AUH: variants seen among roughly 807,000 people sequenced by gnomAD.
AUH encodes the protein methylglutaconyl-CoA hydratase, mitochondrial.
A neutral mutation model predicts 42.3 loss-of-function variants in AUH; 29 were observed. The ratio of observed to expected loss-of-function variants is 0.69; its 90% confidence interval spans 0.51 to 0.93. AUH has a LOEUF of 0.93. Among genes scored for constraint, AUH ranks in the 40% least tolerant of loss-of-function variants. The probability of loss-of-function intolerance (pLI) is 0.00; values close to 1 mark genes in which losing one functional copy is unlikely to be tolerated. For synonymous variants in AUH, 174 were observed against 166.4 expected, an observed-to-expected ratio of 1.05 and a Z score of -0.35; for missense variants, 452 against 438.1, an observed-to-expected ratio of 1.03 and a Z score of -0.28.
chr9:91,214,817 G>C (rs1826728754), intron 9 of AUH, among the ~76,000 whole-genome samples: 1 of 152,134 alleles, frequency 6.6e-6, no homozygotes, highest in Admixed American at 6.5e-5. Flanking sequence ...TTATTTAGAA[G>C]GATGTTGTTT....
chr9:91,276,720 A>G (rs186064636), intron 6 of AUH, among the ~76,000 whole-genome samples: 1 of 152,352 alleles, frequency 6.6e-6, no homozygotes, highest in Non-Finnish European at 1.5e-5. Flanking sequence ...CACTGAACTT[A>G]CAACATAGCA....
intron 6 of AUH, among the ~76,000 whole-genome samples, chr9:91,286,408 T>C (rs1051108753): frequency 2.0e-5 from 3 of 152,166 alleles, no homozygotes; most frequent in Non-Finnish European, 4.4e-5. Flanking sequence ...GCTCTAATTT[T>C]CCTTCTTCCT....
chr9:91,348,351 T>C (rs1831695177), intron 3 of AUH, among the ~76,000 whole-genome samples: 1 of 152,214 alleles, frequency 6.6e-6, no homozygotes. Context: ...GGCAGTTTCT[T>C]ACAAAACTAA....
chr9:91,215,160 T>C (rs1826748755), intron 9 of AUH, among the ~76,000 whole-genome samples: 1 of 152,208 alleles, frequency 6.6e-6, no homozygotes, highest in Non-Finnish European at 1.5e-5. Flanking sequence ...CAAAACTTTT[T>C]TGCTATTTCA....
chr9:91,269,836 C>T (rs1478270039), intron 6 of AUH, among the ~76,000 whole-genome samples: 2 of 152,142 alleles, frequency 1.3e-5, no homozygotes, highest in African/African-American at 4.8e-5. Flanking sequence ...ATTTTAAATA[C>T]TATTCCACAA....
intron 6 of AUH, among the ~76,000 whole-genome samples, chr9:91,283,390 G>C (rs1008868188): frequency 2.6e-5 from 4 of 152,082 alleles, no homozygotes; most frequent in African/African-American, 9.7e-5. Flanking sequence ...CATTCCCTTT[G>C]AAAACTGGCA....
rs528512786 is a variant in AUH at position 91,322,649 on chromosome 9, T to C, written c.505+2669A>G. 1.2e-4 allele frequency among the ~76,000 whole-genome samples: 19 copies of C among 152,326 alleles called. No individual in the cohort carries two copies. In the South Asian group the frequency reaches 1.7e-3, roughly 13 times the overall value. On this transcript the variant is annotated intron_variant, in intron 4 of 9. Transcript: ENST00000375731. ...CAAGTAAAATGATTTGTTCTGTATA[T>C]AGCATAGAAAAACATGGAAAGCTTT...
rs1826691512 is a variant in AUH at position 91,214,168 on chromosome 9, A to C, written c.*180T>G. 1.6e-6 allele frequency: 1 copy of C among 620,994 alleles called. No individual in the cohort carries two copies. The allele number at this position is 620,994 out of a possible 1,614,324, so 38.5% of individuals were successfully genotyped here. ...CTTTATAAATCTGAATGAATATGACATTTACACATTTGAATGAAGTACACG... is the reference window on the plus strand; with the variant it reads ...CTTTATAAATCTGAATGAATATGACCTTTACACATTTGAATGAAGTACACG... On this transcript the variant is annotated 3_prime_UTR_variant, in exon 10 of 10. Transcript: ENST00000375731.
chr9:91,217,262 C>A lies in AUH; in HGVS notation c.894+15G>T. Reference sequence around the variant, plus strand: ...TCTCCATTCCCAAAACAAACTCAAGCATTAAGGAACCTACCTCCATCCCTT... The same window carrying A: ...TCTCCATTCCCAAAACAAACTCAAGAATTAAGGAACCTACCTCCATCCCTT... On this transcript the variant is annotated intron_variant, in intron 8 of 9. Coordinates refer to ENST00000375731, the MANE Select transcript of AUH (RefSeq NM_001698.3). 1 of 1,611,626 alleles carries A rather than the reference C, an allele frequency of 6.2e-7. No individual in the cohort carries two copies. Among genetic ancestry groups the A allele is most frequent in the Non-Finnish European group, 8.5e-7 (1 of 1,177,870 alleles).
intron 3 of AUH, among the ~76,000 whole-genome samples, chr9:91,332,206 C>A (rs1830376678): frequency 6.6e-6 from 1 of 152,164 alleles, no homozygotes; most frequent in South Asian, 2.1e-4. Flanking sequence ...TTAAAACATA[C>A]CGCATTTAAA....
intron 6 of AUH, among the ~76,000 whole-genome samples, chr9:91,234,740 CAGA>C (rs1564018044): frequency 6.6e-6 from 1 of 150,728 alleles, no homozygotes; most frequent in East Asian, 1.9e-4. Flanking sequence ...TACCATTCTG[CAGA>C]AGGAGAGCAA....
chr9:91,346,742 C>G (rs1440798884), intron 3 of AUH, among the ~76,000 whole-genome samples: 2 of 152,068 alleles, frequency 1.3e-5, no homozygotes, highest in East Asian at 3.9e-4. Context: ...GCTGCCCTCA[C>G]TTCAGATGCA....
chr9:91,223,656 T>C (rs1463286996), intron 6 of AUH, among the ~76,000 whole-genome samples: 2 of 152,202 alleles, frequency 1.3e-5, no homozygotes, highest in Non-Finnish European at 2.9e-5. Flanking sequence ...ATGTTTTCCA[T>C]AGTCACCAAA....
chr9:91,258,979 A>G (rs1829557689), intron 6 of AUH, among the ~76,000 whole-genome samples: 1 of 152,168 alleles, frequency 6.6e-6, no homozygotes, highest in Non-Finnish European at 1.5e-5. Context: ...GCTTGTCTGT[A>G]TATATCTTTC....
chr9:91,298,996 ATCACCTGAGG>A (rs1430220896), intron 4 of AUH, among the ~76,000 whole-genome samples: 1 of 152,148 alleles, frequency 6.6e-6, no homozygotes, highest in Non-Finnish European at 1.5e-5. Context: ...AGGTGGGAGG[ATCACCTGAGG>A]TCAGGAGTTC....
At chr9:91,229,577 G>A (rs1827741696) in intron 6 of AUH, among the ~76,000 whole-genome samples, 1 of 150,956 alleles carries the variant, frequency 6.6e-6, no homozygotes, top group Non-Finnish European at 1.5e-5. Context: ...AGTGTTATGT[G>A]TGAATTTGAT....
At chr9:91,268,660 G>C in intron 6 of AUH, among the ~76,000 whole-genome samples, 1 of 152,014 alleles carries the variant, frequency 6.6e-6, no homozygotes, top group East Asian at 1.9e-4. Context: ...AAACTCCTGA[G>C]CTCAGGCAAT....
rs1316821162 is a variant in AUH at position 91,228,766 on chromosome 9, T to C, written c.656-7774A>G. Among the ~76,000 whole-genome samples the C allele has an allele frequency of 1.8e-4, 28 of 152,224 alleles. No individual in the cohort carries two copies. The East Asian group carries it at 4.4e-3, about 24-fold the overall frequency. ...CTGGTATGTTGTGTCTTTGTTCTCA[T>C]TGGTTTCAAAGAACATCTTTATATC... On this transcript the variant is annotated intron_variant, in intron 6 of 9. Transcript: ENST00000375731.
intron 3 of AUH, among the ~76,000 whole-genome samples, chr9:91,355,408 T>C (rs1273814471): frequency 6.6e-6 from 1 of 151,904 alleles, no homozygotes; most frequent in Non-Finnish European, 1.5e-5. Flanking sequence ...AATACAAAAA[T>C]TAGCTAGGCG....
Sources: gnomAD v4.1 joint callset for allele counts (sites outside exome capture counted in the v4.1 genomes callset) on GRCh38, gnomAD v4.1.1 for gene constraint, MANE v1.5 for transcripts, NCBI Gene and HGNC (gene_info 2026-07-23, HGNC 2026-07-21) for gene names.